Variants in DICER1 observed in about 807,000 individuals in gnomAD.
DICER1 encodes the protein endoribonuclease Dicer.
DICER1 carries 43 observed loss-of-function variants against 194.1 expected under a neutral mutation model. The ratio of observed to expected loss-of-function variants is 0.22; its 90% CI spans 0.17 to 0.29. DICER1 has a LOEUF of 0.29. Among genes scored for constraint, DICER1 ranks in the 10% least tolerant of loss-of-function variants. The pLI is 1.00. For missense variants in DICER1, 1,608 were observed against 2,317.0 expected, an observed-to-expected ratio of 0.69 and a Z score of 6.28; for synonymous variants, 832 against 820.5, an observed-to-expected ratio of 1.01 and a Z score of -0.24.
chr14:95,113,544 G>A (rs1165242044), intron 11 of DICER1, among the ~76,000 whole-genome samples: 1 of 152,110 alleles, frequency 6.6e-6, no homozygotes, highest in African/African-American at 2.4e-5. Context: ...AACATGTGTC[G>A]AGTGTTACCA....
intron 1 of DICER1, among the ~76,000 whole-genome samples, chr14:95,143,503 G>A (rs780719737): frequency 1.3e-5 from 2 of 151,996 alleles, no homozygotes; most frequent in Non-Finnish European, 2.9e-5. Flanking sequence ...ACACTCAATC[G>A]CCTGGTTTCC....
At chr14:95,104,471 T>C (rs1201499296) in intron 20 of DICER1, among the ~76,000 whole-genome samples, 1 of 152,214 alleles carries the variant, frequency 6.6e-6, no homozygotes, top group Non-Finnish European at 1.5e-5. Flanking sequence ...ATAAACTCTC[T>C]GTGCCTCAGC....
In DICER1 at chr14:95,095,997, A is replaced by C. The variant is rs587778231; in HGVS notation, c.4923T>G (p.Cys1641Trp). ...SSVLKDSEYG[C>W]LKIPPRCMFD... is the part of the protein sequence containing the mutation. ...ACATACATCTTGGTGGAATCTTCAAACAACCATATTCCGAGTCTTTCAATA... is the reference window on the plus strand; with the variant it reads ...ACATACATCTTGGTGGAATCTTCAACCAACCATATTCCGAGTCTTTCAATA... The change falls in exon 23 of 27, where the codon TGT becomes TGG. Residue 1641 changes from cysteine (C) to tryptophan (W), a missense_variant. Around this residue, in one of 10 missense-constraint regions of DICER1, gnomAD observed 125 missense variants for 134.9 expected, o/e 0.93. Coordinates refer to ENST00000343455, the MANE Select transcript of DICER1 (RefSeq NM_177438.3). 4.3e-5 allele frequency: 69 copies of C among 1,614,132 alleles called. 1 individual carries two copies. In the African/African-American group the frequency reaches 5.1e-4, roughly 12 times the overall value.
chr14:95,105,641 CAAAT>C lies in DICER1; in HGVS notation c.3093+33_3093+36del. The C allele has an allele frequency of 7.1e-7, 1 of 1,400,050 alleles. No homozygotes were observed. Among genetic ancestry groups the C allele is most frequent in the Non-Finnish European group, 1.0e-6 (1 of 985,834 alleles). The allele number at this position is 1,400,050 out of a possible 1,614,324, so 86.7% of individuals were successfully genotyped here. ...TCTTTAATAATCTTTAATACTCAAA[CAAAT>C]ACTAAGTTATGCTAGTACAATTAAC... On this transcript the variant is annotated intron_variant, in intron 19 of 26. Coordinates refer to ENST00000343455, the MANE Select transcript of DICER1 (RefSeq NM_177438.3). This position sits in a 1 kb window ranked among gnomAD's most constrained non-coding sequence, Gnocchi z 4.9.
chr14:95,143,271 T>A (rs1013139591), intron 1 of DICER1, among the ~76,000 whole-genome samples: 38 of 152,224 alleles, frequency 2.5e-4, no homozygotes, highest in African/African-American at 8.7e-4. Context: ...ACAGCCATGG[T>A]ATAGATACAA....
At position 95,117,722 on chromosome 14, in the gene DICER1, T is replaced by C. The variant is rs1595415650; in HGVS notation, c.1409A>G (p.Glu470Gly). Residue 470 changes from glutamate to glycine, a missense_variant, in exon 9 of 27, where the codon GAG becomes GGG. Glu to Gly is a moderately conservative substitution (Grantham distance 98). This residue lies in a region of DICER1 where 657 missense variants were observed against 910.1 expected (regional missense o/e 0.72). Coordinates refer to ENST00000343455, the MANE Select transcript of DICER1 (RefSeq NM_177438.3). ...LIKEAGKQDP[E>G]LAYISSNFIT... ...GAAATTGCTACTGATATAAGCCAGC[T>C]CTGGATCTTGTTTGCCAGCTTCCTT... 6.2e-7 allele frequency: 1 copy of C among 1,613,994 alleles called. No homozygotes were observed. The highest frequency in any genetic ancestry group is 1.7e-5 in the Admixed American group (1 of 60,018).
chr14:95,140,237 G>A (rs953371360), intron 1 of DICER1, among the ~76,000 whole-genome samples: 1 of 152,142 alleles, frequency 6.6e-6, no homozygotes, highest in Admixed American at 6.5e-5. Flanking sequence ...TATGCACTTA[G>A]AAATACAGTC....
chr14:95,116,786 T>G (rs1892514026), intron 9 of DICER1, 91 bp from the exon 10 acceptor site: 8 of 1,299,494 alleles, frequency 6.2e-6, no homozygotes, highest in Non-Finnish European at 8.9e-6. Context: ...CAACTGTCAT[T>G]TCTGACACAC....
chr14:95,118,125 G>A (rs1208645331), intron 8 of DICER1, among the ~76,000 whole-genome samples: 1 of 152,064 alleles, frequency 6.6e-6, no homozygotes, highest in Non-Finnish European at 1.5e-5. Context: ...GACGTCCAAT[G>A]AAAAAAGCTC....
At chr14:95,114,674 G>T (rs1892279248) in intron 11 of DICER1, among the ~76,000 whole-genome samples, 1 of 152,132 alleles carries the variant, frequency 6.6e-6, no homozygotes, top group African/African-American at 2.4e-5. Context: ...AGGGGTGAAA[G>T]GGAACTTTAC....
rs747796429 is a variant in DICER1, at chr14:95,124,185, T to TA, written c.1376+10dup. Reference sequence around the variant, plus strand: ...TGTTCTCATGTGAAAGGAGTCAACTTACAGATTTACCTGTTTAAGACAACT... The same window carrying TA: ...TGTTCTCATGTGAAAGGAGTCAACTTAACAGATTTACCTGTTTAAGACAACT... On this transcript the variant is annotated intron_variant, in intron 8 of 26. Transcript: ENST00000343455. This position sits in a 1 kb window ranked among gnomAD's most constrained non-coding sequence, Gnocchi z 4.5. The TA allele has an allele frequency of 3.1e-6, 5 of 1,601,480 alleles. No homozygotes were observed. Among genetic ancestry groups the TA allele is most frequent in the Non-Finnish European group, 4.3e-6 (5 of 1,169,514 alleles).
At chr14:95,129,662 G>A in intron 5 of DICER1, 30 bp from the exon 6 acceptor site, 1 of 1,600,256 alleles carries the variant, frequency 6.2e-7, no homozygotes, top group East Asian at 2.2e-5. Flanking sequence ...TGACAGTAAA[G>A]ACTTCATTTT....
chr14:95,104,582 T>A (rs1293508247), intron 20 of DICER1, among the ~76,000 whole-genome samples: 2 of 152,244 alleles, frequency 1.3e-5, no homozygotes, highest in Non-Finnish European at 2.9e-5. Context: ...AGCTAGTGTT[T>A]GGCACTATAG....
intron 22 of DICER1, among the ~76,000 whole-genome samples, 198 bp downstream of exon 22, chr14:95,099,582 C>T (rs1026267700): frequency 5.3e-5 from 8 of 151,880 alleles, no homozygotes; most frequent in African/African-American, 1.9e-4. Flanking sequence ...AATTATAATA[C>T]TATTTCTGAA....
At chr14:95,132,472 T>C in intron 3 of DICER1, 43 bp downstream of exon 3, 1 of 1,598,636 alleles carries the variant, frequency 6.3e-7, no homozygotes, top group Non-Finnish European at 8.6e-7. Context: ...TAAAATCCCA[T>C]CCAATTTCCC....
intron 2 of DICER1, among the ~76,000 whole-genome samples, chr14:95,133,071 A>AG (rs1393073263): frequency 5.9e-5 from 9 of 152,338 alleles, no homozygotes; most frequent in African/African-American, 2.2e-4. Flanking sequence ...GTGAATATTA[A>AG]GGAACAGTGA....
Position 95,096,704 on chromosome 14 carries a change from A to C in DICER1, c.4216T>G (p.Cys1406Gly), listed in dbSNP as rs1356179383. 4 of 1,608,148 alleles carry C rather than the reference A, an allele frequency of 2.5e-6. No individual in the cohort carries two copies. The highest frequency in any genetic ancestry group is 3.4e-6 in the Non-Finnish European group (4 of 1,176,764). Residue 1406 changes from cysteine to glycine, a missense_variant, in exon 23 of 27, where the codon TGC becomes GGC. This residue lies in a region of DICER1 where 164 missense variants were observed against 183.7 expected (regional missense o/e 0.89). Coordinates refer to ENST00000343455, the MANE Select transcript of DICER1 (RefSeq NM_177438.3). The part of the protein sequence containing the change: ...KWEKDEMTKD[C>G]MLANGKLDED... ...TCCAGTTTGCCATTCGCCAGCATGC[A>C]GTCTTTTGTCTGAAACGAGGGGGAA...
At chr14:95,145,872 C>T (rs779384992) in intron 1 of DICER1, among the ~76,000 whole-genome samples, 1 of 152,014 alleles carries the variant, frequency 6.6e-6, no homozygotes, top group South Asian at 2.1e-4. Flanking sequence ...TGCACATTAA[C>T]CTAGTCATTA....
chr14:95,138,957 T>C (rs1478168569), intron 1 of DICER1, among the ~76,000 whole-genome samples: 2 of 128,534 alleles, frequency 1.6e-5, no homozygotes, highest in East Asian at 2.2e-4. Context: ...CCCTAAAACT[T>C]AGAGTATAAT....
Sources: allele counts gnomAD v4.1 joint callset (sites outside exome capture counted in the v4.1 genomes callset), GRCh38; gene constraint gnomAD v4.1.1; regional missense constraint gnomAD v4.1.1; non-coding constraint Gnocchi (gnomAD v3.1); transcripts MANE v1.5; gene names NCBI Gene and HGNC (gene_info 2026-07-23, HGNC 2026-07-21).